Variants in NSL1 observed in about 807,000 individuals in gnomAD.
NSL1 encodes NSL1 component of MIS12 kinetochore complex, also known as kinetochore-associated protein NSL1 homolog.
A neutral mutation model predicts 25.4 loss-of-function variants in NSL1; 11 were observed. The observed-to-expected ratio is 0.43, with a 90% CI of 0.27 to 0.72. The LOEUF (loss-of-function observed/expected upper bound fraction) is 0.72. Among genes scored for constraint, NSL1 ranks in the 30% least tolerant of loss-of-function variants. The pLI is 0.19. For missense variants in NSL1, 330 were observed against 342.7 expected (o/e 0.96, Z 0.29); for synonymous variants, 118 against 120.6 (o/e 0.98, Z 0.14).
At chr1:212,738,733 A>G in intron 5 of NSL1, 47 bp from the exon 6 acceptor site, 1 of 1,498,608 alleles carries the variant, frequency 6.7e-7, no homozygotes, top group South Asian at 1.2e-5. Context: ...TCAGGTTGAA[A>G]CACAAACAGA....
chr1:212,779,264 C>T lies in NSL1; in HGVS notation c.499+3108G>A, dbSNP rs548354007. On this transcript the variant is annotated intron_variant, in intron 4 of 5. Transcript: ENST00000366977. ...GGGGTCAGCCCCCCTCCCGGCCAGCCGCCCCGTCTCGGAGGGAGGTGGGGG... is the reference window on the plus strand; with the variant it reads ...GGGGTCAGCCCCCCTCCCGGCCAGCTGCCCCGTCTCGGAGGGAGGTGGGGG... 4.7e-3 allele frequency among the ~76,000 whole-genome samples: 699 copies of T among 148,966 alleles called. 6 individuals are homozygous for T. Among genetic ancestry groups the T allele is most frequent in the Non-Finnish European group, 7.5e-3 (499 of 66,760 alleles).
At chr1:212,762,320 A>T (rs1558051411) in intron 4 of NSL1, among the ~76,000 whole-genome samples, 1 of 150,490 alleles carries the variant, frequency 6.6e-6, no homozygotes, top group Non-Finnish European at 1.5e-5. Flanking sequence ...AAAAAAAAAA[A>T]AAAAAAGAAA....
Position 212,730,776 on chromosome 1 carries a change from G to A in NSL1, c.*7632C>T, listed in dbSNP as rs951433179. 4 of 985,242 alleles carry A rather than the reference G, an allele frequency of 4.1e-6. No homozygotes were observed. The Admixed American group carries it at 2.5e-4, about 61-fold the overall frequency. The allele number at this position is 985,242 out of a possible 1,614,324, so 61.0% of individuals were successfully genotyped here. A position where few individuals can be genotyped will look rare whatever the true frequency, so the allele number is the denominator to read the frequency against. ...GTTCTAGTAGACAGGAGACTCTGGA[G>A]TCCTAATTCAGGTCAGTTTCCCAGT... On this transcript the variant is annotated 3_prime_UTR_variant, in exon 6 of 6. Coordinates refer to ENST00000366977, the MANE Select transcript of NSL1 (RefSeq NM_015471.4).
chr1:212,727,067 A>T lies in NSL1; in HGVS notation c.*11341T>A. The T allele has an allele frequency of 6.6e-7, 1 of 1,520,904 alleles. No individual in the cohort carries two copies. The highest frequency in any genetic ancestry group is 8.8e-7 in the Non-Finnish European group (1 of 1,133,778). 94.2% of individuals were successfully genotyped at this position (1,520,904 alleles called of 1,614,324 possible). On this transcript the variant is annotated 3_prime_UTR_variant, in exon 6 of 6. Transcript: ENST00000366977. Reference sequence around the variant, plus strand: ...AGAGAGGGAGGGCGGGCTCTGGGTCACCCAGCTTCATCCTCTTCATCTTGC... The same window carrying T: ...AGAGAGGGAGGGCGGGCTCTGGGTCTCCCAGCTTCATCCTCTTCATCTTGC...
At chr1:212,772,104 C>T (rs1660149042) in intron 4 of NSL1, among the ~76,000 whole-genome samples, 1 of 152,154 alleles carries the variant, frequency 6.6e-6, no homozygotes, top group African/African-American at 2.4e-5. Context: ...TGCCGTTTGT[C>T]TTCTGCCATG....
intron 2 of NSL1, among the ~76,000 whole-genome samples, chr1:212,786,492 T>G (rs1361378842): frequency 6.6e-6 from 1 of 151,448 alleles, no homozygotes; most frequent in Non-Finnish European, 1.5e-5. Flanking sequence ...CACTACCTAG[T>G]GATAAAGCTA....
chr1:212,766,373 G>A, intron 4 of NSL1: 1 of 431,304 alleles, frequency 2.3e-6, no homozygotes, highest in Non-Finnish European at 4.1e-6. Context: ...AATCCATATT[G>A]CAAAAGAGGA....
Position 212,730,153 on chromosome 1 carries a change from G to A in NSL1, c.*8255C>T. ...TAATCCCAGCTACTCGGGAGGCTAAGGCATGAGAACCTCTTGAACCTGGGA... is the reference window on the plus strand; with the variant it reads ...TAATCCCAGCTACTCGGGAGGCTAAAGCATGAGAACCTCTTGAACCTGGGA... On this transcript the variant is annotated 3_prime_UTR_variant, in exon 6 of 6. Transcript: ENST00000366977. 2 of 879,052 alleles carry A rather than the reference G, an allele frequency of 2.3e-6. No homozygotes were observed. The highest frequency in any genetic ancestry group is 2.7e-6 in the Non-Finnish European group (2 of 738,192). The allele number at this position is 879,052 out of a possible 1,614,324, so 54.5% of individuals were successfully genotyped here. A position where few individuals can be genotyped will look rare whatever the true frequency, so the allele number is the denominator to read the frequency against.
Position 212,726,278 on chromosome 1 carries a change from A to C in NSL1, c.*12130T>G, listed in dbSNP as rs1409462952. On this transcript the variant is annotated 3_prime_UTR_variant, in exon 6 of 6. Coordinates refer to ENST00000366977, the MANE Select transcript of NSL1 (RefSeq NM_015471.4). ...GGTTAGCTCTCTGGAAGAAAATGAA[A>C]GGATCAGATGTCCCCCATAAACAAC... 6.6e-6 allele frequency: 1 copy of C among 152,250 alleles called. No homozygotes were observed. The highest frequency in any genetic ancestry group is 2.4e-5 in the African/African-American group (1 of 41,456). The allele number at this position is 152,250 out of a possible 1,614,324, so 9.4% of individuals were successfully genotyped here. A position where few individuals can be genotyped will look rare whatever the true frequency, so the allele number is the denominator to read the frequency against.
chr1:212,754,440 C>T (rs1296628821), intron 4 of NSL1, among the ~76,000 whole-genome samples: 1 of 151,992 alleles, frequency 6.6e-6, no homozygotes, highest in East Asian at 1.9e-4. Flanking sequence ...AAACCGAGGG[C>T]TGAGACAGAG....
chr1:212,738,494 T>C lies in NSL1; in HGVS notation c.760A>G (p.Met254Val), dbSNP rs15702. 0.67 allele frequency: 1,074,977 copies of C among 1,613,722 alleles called. 361,863 individuals carry two copies. Among genetic ancestry groups the C allele is most frequent in the Non-Finnish European group, 0.69 (809,812 of 1,179,858 alleles). Residue 254 changes from methionine to valine, a missense_variant, in exon 6 of 6, where the codon ATG becomes GTG. Transcript: ENST00000366977. The part of the protein sequence containing the change: ...TETASRKTSD[M>V]VLKRKQTKDC... ...TTAGTTTGCTTTCTTTTCAGTACCATGTCAGAGGTTTTCCTGGAAGCAGTC... is the reference window on the plus strand; with the variant it reads ...TTAGTTTGCTTTCTTTTCAGTACCACGTCAGAGGTTTTCCTGGAAGCAGTC...
In NSL1 at chr1:212,791,559, G is replaced by T; in HGVS notation, c.205C>A (p.Arg69=). 3.7e-6 allele frequency: 6 copies of T among 1,613,776 alleles called. No individual in the cohort carries two copies. The highest frequency in any genetic ancestry group is 5.1e-6 in the Non-Finnish European group (6 of 1,180,000). ...TGCGCATCTCGCAGAGCGGGCTCCCGAATCTCCTCCGGCAGAGCGTCCCCG... is the reference window on the plus strand; with the variant it reads ...TGCGCATCTCGCAGAGCGGGCTCCCTAATCTCCTCCGGCAGAGCGTCCCCG... ...KLGDALPEEI[R]EPALRDAQWT... Residue 69 remains arginine (R), a synonymous_variant, in exon 1 of 6, where the codon CGG becomes AGG. Coordinates refer to ENST00000366977, the MANE Select transcript of NSL1 (RefSeq NM_015471.4).
chr1:212,733,775 T>C lies in NSL1; in HGVS notation c.*4633A>G, dbSNP rs1658122632. On this transcript the variant is annotated 3_prime_UTR_variant, in exon 6 of 6. Coordinates refer to ENST00000366977, the MANE Select transcript of NSL1 (RefSeq NM_015471.4). ...ACCTGCTGCTACAAACATTTGTGTG[T>C]AAGTTATTGTGTGAGCATGTTTTCA... 6.6e-6 allele frequency among the ~76,000 whole-genome samples: 1 copy of C among 152,232 alleles called. No individual in the cohort carries two copies. The highest frequency in any genetic ancestry group is 6.5e-5 in the Admixed American group (1 of 15,286).
chr1:212,787,450 T>G (rs1660992877), intron 2 of NSL1, 109 bp downstream of exon 2: 3 of 678,954 alleles, frequency 4.4e-6, no homozygotes, highest in Non-Finnish European at 7.3e-6. Flanking sequence ...AGTAAACAAC[T>G]TCTTGAAAAT....
Position 212,748,392 on chromosome 1 carries a change from G to A in NSL1, c.500-8791C>T, listed in dbSNP as rs554903208. ...ATTCTATTTCTAGATATATATCTAC[G>A]AGAGATGAGTATAAATGTGGTATAA... On this transcript the variant is annotated intron_variant, in intron 4 of 5. Transcript: ENST00000366977. 1.1e-4 allele frequency among the ~76,000 whole-genome samples: 16 copies of A among 152,196 alleles called. No individual in the cohort carries two copies. In the South Asian group the frequency reaches 1.9e-3, roughly 18 times the overall value.
In NSL1 at chr1:212,728,901, C is replaced by G. The variant is rs1657894522; in HGVS notation, c.*9507G>C. On this transcript the variant is annotated 3_prime_UTR_variant, in exon 6 of 6. Coordinates refer to ENST00000366977, the MANE Select transcript of NSL1 (RefSeq NM_015471.4). ...GGTGGGGAGGCCAGAGTCCACCACTCTGGCAAAGAGCAGTGTTTATTTGTG... is the reference window on the plus strand; with the variant it reads ...GGTGGGGAGGCCAGAGTCCACCACTGTGGCAAAGAGCAGTGTTTATTTGTG... 2 of 985,256 alleles carry G rather than the reference C, an allele frequency of 2.0e-6. No homozygotes were observed. Among genetic ancestry groups the G allele is most frequent in the Non-Finnish European group, 1.2e-6 (1 of 829,942 alleles). 61.0% of individuals were successfully genotyped at this position (985,256 alleles called of 1,614,324 possible).
intron 4 of NSL1, among the ~76,000 whole-genome samples, chr1:212,768,642 G>C (rs1659955284): frequency 6.6e-6 from 1 of 152,202 alleles, no homozygotes; most frequent in Non-Finnish European, 1.5e-5. Flanking sequence ...AGCATTGTAT[G>C]TTCTCATTTA....
chr1:212,737,302 T>G lies in NSL1; in HGVS notation c.*1106A>C. On this transcript the variant is annotated 3_prime_UTR_variant, in exon 6 of 6. Coordinates refer to ENST00000366977, the MANE Select transcript of NSL1 (RefSeq NM_015471.4). ...CACTGAGACAGACCTTCTGGTGACT[T>G]CTGGTGAATCTAGACATTTATGATT... 1.0e-6 allele frequency: 1 copy of G among 985,232 alleles called. No homozygotes were observed. The highest frequency in any genetic ancestry group is 1.2e-6 in the Non-Finnish European group (1 of 829,726). 61.0% of individuals were successfully genotyped at this position (985,232 alleles called of 1,614,324 possible).
intron 2 of NSL1, among the ~76,000 whole-genome samples, chr1:212,785,137 AC>A (rs1441264655): frequency 6.6e-6 from 1 of 152,162 alleles, no homozygotes; most frequent in Non-Finnish European, 1.5e-5. Flanking sequence ...TTATGAACTG[AC>A]CCAAAGCTAT....
Sources: allele counts gnomAD v4.1 joint callset (sites outside exome capture counted in the v4.1 genomes callset), GRCh38; gene constraint gnomAD v4.1.1; transcripts MANE v1.5; gene names NCBI Gene and HGNC (gene_info 2026-07-23, HGNC 2026-07-21).